MGAT3: variants seen among roughly 807,000 people sequenced by gnomAD.
The protein encoded by MGAT3 is GlcNAc-T III.
Under a neutral mutation model 29.8 loss-of-function variants are expected in MGAT3, and 9 were observed. The observed-to-expected ratio is 0.30, with a 90% confidence interval of 0.18 to 0.53. MGAT3 has a LOEUF of 0.53. MGAT3 is among the 20% of genes least tolerant of loss of function. The pLI is 0.96. For synonymous variants in MGAT3, 397 were observed against 348.9 expected (o/e 1.14, Z -1.54); for missense variants, 557 against 769.5 (o/e 0.72, Z 3.27).
chr22:39,488,821 G>C lies in MGAT3; in HGVS notation c.1474G>C (p.Asp492His), dbSNP rs148319429. The part of the protein sequence containing the change: ...YAPKYLLKNY[D>H]RFHYLLDNPY... ...GCCCAAGTACCTGCTGAAGAACTACGACCGGTTCCACTACCTGCTGGACAA... is the reference window on the plus strand; with the variant it reads ...GCCCAAGTACCTGCTGAAGAACTACCACCGGTTCCACTACCTGCTGGACAA... The change falls in exon 2 of 2, where the codon GAC becomes CAC. Residue 492 changes from aspartate to histidine, a missense_variant. By Grantham distance (81) the Asp-to-His change is moderately conservative. Coordinates refer to ENST00000341184, the MANE Select transcript of MGAT3 (RefSeq NM_002409.5). The C allele has an allele frequency of 4.5e-5, 73 of 1,609,878 alleles. No individual in the cohort carries two copies. In the African/African-American group the frequency reaches 9.5e-4, roughly 21 times the overall value.
intron 1 of MGAT3, among the ~76,000 whole-genome samples, chr22:39,481,006 A>G (rs543795065): frequency 6.6e-6 from 1 of 152,336 alleles, no homozygotes; most frequent in African/African-American, 2.4e-5. Flanking sequence ...TCAGCAGAGC[A>G]GCCAAAGTGA....
At chr22:39,461,320 G>T (rs188132037) in intron 1 of MGAT3, among the ~76,000 whole-genome samples, 1 of 152,164 alleles carries the variant, frequency 6.6e-6, no homozygotes, top group Non-Finnish European at 1.5e-5. Context: ...AGGGCTTTCA[G>T]GGGGAGGCAT....
intron 1 of MGAT3, among the ~76,000 whole-genome samples, chr22:39,468,450 C>A (rs1055017524): frequency 1.3e-5 from 2 of 152,254 alleles, no homozygotes; most frequent in South Asian, 2.1e-4. Context: ...CCTTTCCCAC[C>A]GTCTTCCCAT....
At chr22:39,485,360 A>G (rs1428473164) in intron 1 of MGAT3, among the ~76,000 whole-genome samples, 1 of 152,218 alleles carries the variant, frequency 6.6e-6, no homozygotes, top group Non-Finnish European at 1.5e-5. Context: ...GCTGATGGTG[A>G]CATTCTGATG....
intron 1 of MGAT3, chr22:39,476,560 G>C (rs545798425): frequency 6.6e-6 from 1 of 152,324 alleles, no homozygotes; most frequent in South Asian, 2.1e-4. Flanking sequence ...TCTTCCTTCT[G>C]AGCCTGCTGG....
At chr22:39,486,198 A>G (rs1445629076) in intron 1 of MGAT3, 1 of 417,652 alleles carries the variant, frequency 2.4e-6, no homozygotes, top group Non-Finnish European at 4.6e-6. Context: ...CAGGTTCTGG[A>G]GTGCAATGGC....
intron 1 of MGAT3, chr22:39,486,207 G>T: frequency 2.4e-6 from 1 of 417,830 alleles, no homozygotes; most frequent in South Asian, 1.7e-5. Context: ...GAGTGCAATG[G>T]CGTGATCATG....
At chr22:39,465,588 A>G (rs936132818) in intron 1 of MGAT3, among the ~76,000 whole-genome samples, 7 of 152,174 alleles carry the variant, frequency 4.6e-5, no homozygotes, top group Non-Finnish European at 5.9e-5. Flanking sequence ...TCCCCTGCTT[A>G]GCACTCAATT....
chr22:39,467,603 G>T (rs1003875400), intron 1 of MGAT3, among the ~76,000 whole-genome samples: 11 of 152,168 alleles, frequency 7.2e-5, no homozygotes, highest in African/African-American at 2.7e-4. Flanking sequence ...CACGACACGG[G>T]ACCTGTGATG....
At chr22:39,459,788 G>T (rs1014375002) in intron 1 of MGAT3, among the ~76,000 whole-genome samples, 3 of 152,230 alleles carry the variant, frequency 2.0e-5, no homozygotes, top group African/African-American at 7.2e-5. Context: ...ATGAGTTGCA[G>T]AGAGGGTTGA....
chr22:39,487,996 G>C lies in MGAT3; in HGVS notation c.649G>C (p.Glu217Gln). 6.2e-7 allele frequency: 1 copy of C among 1,613,084 alleles called. No homozygotes were observed. The highest frequency in any genetic ancestry group is 8.5e-7 in the Non-Finnish European group (1 of 1,179,892). The change falls in exon 2 of 2, where the codon GAG becomes CAG. Residue 217 changes from glutamate to glutamine, a missense_variant. Glu to Gln is a conservative substitution (Grantham distance 29). Transcript: ENST00000341184. This position sits in a 1 kb window ranked among gnomAD's most constrained non-coding sequence, Gnocchi z 5.7. Reference protein sequence around the residue: ...RVINAINVNHEFDLLDVRFHE... With the variant: ...RVINAINVNHQFDLLDVRFHE... ...CATCAACGCCATCAACGTCAACCACGAGTTCGACCTGCTGGACGTGCGCTT... is the reference window on the plus strand; with the variant it reads ...CATCAACGCCATCAACGTCAACCACCAGTTCGACCTGCTGGACGTGCGCTT...
At chr22:39,458,956 CCTGG>C (rs1028734309) in intron 1 of MGAT3, among the ~76,000 whole-genome samples, 2 of 152,164 alleles carry the variant, frequency 1.3e-5, no homozygotes, top group African/African-American at 2.4e-5. Context: ...GGAGCCAAGA[CCTGG>C]CTGGGGGGAT....
At chr22:39,458,157 G>A (rs1928393708) in intron 1 of MGAT3, among the ~76,000 whole-genome samples, 2 of 152,220 alleles carry the variant, frequency 1.3e-5, no homozygotes, top group Non-Finnish European at 2.9e-5. Context: ...GCTCTGCCCA[G>A]GGCGGGGGAG....
chr22:39,469,832 GC>G (rs968662535), intron 1 of MGAT3, among the ~76,000 whole-genome samples: 1 of 152,252 alleles, frequency 6.6e-6, no homozygotes, highest in Non-Finnish European at 1.5e-5. Flanking sequence ...GGCGGGAGGG[GC>G]TGGCACTGCC....
chr22:39,487,815 G>A lies in MGAT3; in HGVS notation c.468G>A (p.Arg156=), dbSNP rs956973814. The A allele has an allele frequency of 1.1e-5, 16 of 1,497,242 alleles. No individual in the cohort carries two copies. The highest frequency in any genetic ancestry group is 1.4e-5 in the Non-Finnish European group (16 of 1,126,418). The allele number at this position is 1,497,242 out of a possible 1,614,324, so 92.7% of individuals were successfully genotyped here. ...RRPPRYLLSA[R]ERTGGRGARR... ...CACCCCGGTACCTCCTGAGCGCCCG[G>A]GAGCGCACGGGGGGCCGAGGCGCCC... is the stretch of plus-strand genomic sequence containing the variant. The change falls in exon 2 of 2, where the codon CGG becomes CGA. Residue 156 remains arginine, a synonymous_variant. Coordinates refer to ENST00000341184, the MANE Select transcript of MGAT3 (RefSeq NM_002409.5). This position sits in a 1 kb window ranked among gnomAD's most constrained non-coding sequence, Gnocchi z 5.7.
intron 1 of MGAT3, among the ~76,000 whole-genome samples, chr22:39,470,422 G>T (rs142305228): frequency 3.8e-4 from 58 of 152,308 alleles, no homozygotes; most frequent in Middle Eastern, 6.8e-3. Context: ...CTGGAGCCTG[G>T]GGGACAAGGG....
At chr22:39,478,601 T>A (rs575456030) in intron 1 of MGAT3, among the ~76,000 whole-genome samples, 2 of 152,086 alleles carry the variant, frequency 1.3e-5, no homozygotes, top group Non-Finnish European at 2.9e-5. Context: ...ACGGGCAAGC[T>A]CAGGACCACG....
chr22:39,462,718 A>G (rs1466244785), intron 1 of MGAT3, among the ~76,000 whole-genome samples: 1 of 152,160 alleles, frequency 6.6e-6, no homozygotes, highest in Non-Finnish European at 1.5e-5. Context: ...AAGTTAACCG[A>G]CTTGTCACGT....
intron 1 of MGAT3, among the ~76,000 whole-genome samples, chr22:39,480,987 C>T (rs1323787304): frequency 6.6e-6 from 1 of 151,894 alleles, no homozygotes; most frequent in Non-Finnish European, 1.5e-5. Flanking sequence ...TTGAAGTGCC[C>T]ATTCATTCTC....
Sources: gnomAD v4.1 joint callset for allele counts (sites outside exome capture counted in the v4.1 genomes callset) on GRCh38, gnomAD v4.1.1 for gene constraint, Gnocchi (gnomAD v3.1) non-coding constraint, MANE v1.5 for transcripts, NCBI Gene and HGNC (gene_info 2026-07-23, HGNC 2026-07-21) for gene names.